TEX26: variants seen among roughly 807,000 people sequenced by gnomAD.
The protein encoded by TEX26 is testis expressed 26, also known as testis-expressed protein 26.
In TEX26, 34 loss-of-function variants were observed where a neutral mutation model predicts 35.3. The ratio of observed to expected loss-of-function variants is 0.96; its 90% CI spans 0.73 to 1.28. The LOEUF is 1.28. TEX26 is among the 50% of genes most tolerant of loss of function. The pLI, the probability that TEX26 is intolerant of heterozygous loss-of-function variation, is 0.00. For missense variants in TEX26, 371 were observed against 330.1 expected, an observed-to-expected ratio of 1.12 and a Z score of -0.96; for synonymous variants, 136 against 111.8, an observed-to-expected ratio of 1.22 and a Z score of -1.36.
chr13:30,958,746 G>A (rs1043850918), intron 4 of TEX26, among the ~76,000 whole-genome samples: 1 of 152,162 alleles, frequency 6.6e-6, no homozygotes, highest in East Asian at 1.9e-4. Flanking sequence ...CATCTCTAAA[G>A]TATTAATCCC....
intron 3 of TEX26, among the ~76,000 whole-genome samples, chr13:30,955,894 A>T (rs1290233874): frequency 6.6e-6 from 1 of 151,984 alleles, no homozygotes; most frequent in African/African-American, 2.4e-5. Context: ...TGGGCTGTGG[A>T]GGTTATTTTC....
intron 1 of TEX26, among the ~76,000 whole-genome samples, chr13:30,934,697 C>A (rs1302422548): frequency 6.6e-6 from 1 of 152,172 alleles, no homozygotes; most frequent in East Asian, 1.9e-4. Context: ...CTCCATGGAG[C>A]CCGTGGGAGC....
chr13:30,961,182 G>C (rs1172646232), intron 4 of TEX26, among the ~76,000 whole-genome samples: 1 of 152,030 alleles, frequency 6.6e-6, no homozygotes, highest in Non-Finnish European at 1.5e-5. Context: ...TTTCAATCAA[G>C]CATCTCACTC....
At chr13:30,948,168 T>G (rs1193760387) in intron 2 of TEX26, among the ~76,000 whole-genome samples, 4 of 152,202 alleles carry the variant, frequency 2.6e-5, no homozygotes, top group Non-Finnish European at 5.9e-5. Context: ...GTTCCTAGTC[T>G]TTGCTATTGT....
At chr13:30,968,012 G>T (rs545122653) in intron 5 of TEX26, among the ~76,000 whole-genome samples, 224 of 152,276 alleles carry the variant, frequency 1.5e-3, no homozygotes, top group Non-Finnish European at 2.8e-3. Context: ...GAGGACCTTT[G>T]TTTATTAAGT....
intron 2 of TEX26, among the ~76,000 whole-genome samples, chr13:30,940,444 C>T (rs1247986199): frequency 2.7e-5 from 4 of 149,798 alleles, no homozygotes; most frequent in Admixed American, 2.0e-4. Flanking sequence ...CGCCATTCTC[C>T]TGCCTCAGCC....
chr13:30,959,605 C>T (rs555546519), intron 4 of TEX26, among the ~76,000 whole-genome samples: 3 of 124,464 alleles, frequency 2.4e-5, no homozygotes, highest in African/African-American at 6.5e-5. Flanking sequence ...GTTGTTTTCT[C>T]TTATTTTTAC....
rs144803669 is a variant in TEX26 at position 30,957,866 on chromosome 13, G to A, written c.469+837G>A. On this transcript the variant is annotated intron_variant, in intron 4 of 6. Coordinates refer to ENST00000380473, the MANE Select transcript of TEX26 (RefSeq NM_152325.3). ...AAATGAATGATAGGGATGAGTGACT[G>A]ACAGATGTCAGAGATACGGGAGTAA... Among the ~76,000 whole-genome samples, 683 of 152,364 alleles carry A rather than the reference G, an allele frequency of 4.5e-3. 4 individuals are homozygous for A. The highest frequency in any genetic ancestry group is 6.9e-3 in the Non-Finnish European group (470 of 68,036).
intron 3 of TEX26, 43 bp from the exon 4 acceptor site, chr13:30,956,830 G>A (rs572046173): frequency 1.3e-6 from 2 of 1,550,156 alleles, no homozygotes; most frequent in Non-Finnish European, 1.8e-6. Flanking sequence ...CCTATTGGGT[G>A]AACCCATATG....
intron 6 of TEX26, among the ~76,000 whole-genome samples, chr13:30,974,131 A>AAAAAATATATATATATATATAT: frequency 7.1e-5 from 6 of 84,418 alleles, no homozygotes; most frequent in Non-Finnish European, 6.7e-5. Context: ...AAAAAAAAAA[A>AAAAAATATATATATATATATAT]ATATATATAT....
In TEX26 at chr13:30,966,291, C is replaced by T; in HGVS notation, c.539C>T (p.Thr180Ile). ...WKKLLPQPPD[T>I]EFRRNYQIPA... is the part of the protein sequence containing the mutation. ...AAGTTACTTCCCCAACCTCCAGACA[C>T]TGAATTCCGAAGGAATTACCAAATT... The change falls in exon 5 of 7, where the codon ACT (threonine) becomes ATT (isoleucine). Residue 180 changes from threonine to isoleucine, a missense_variant. By Grantham distance (89) the Thr-to-Ile change is moderately conservative. Transcript: ENST00000380473. 1 of 1,614,126 alleles carries T rather than the reference C, an allele frequency of 6.2e-7. No individual in the cohort carries two copies. Among genetic ancestry groups the T allele is most frequent in the Non-Finnish European group, 8.5e-7 (1 of 1,180,022 alleles).
chr13:30,950,311 CAGG>C (rs1380086952), intron 2 of TEX26, among the ~76,000 whole-genome samples: 2 of 151,950 alleles, frequency 1.3e-5, no homozygotes, highest in Non-Finnish European at 2.9e-5. Context: ...GAGGCTGAGA[CAGG>C]AGAATTGCTT....
intron 2 of TEX26, among the ~76,000 whole-genome samples, chr13:30,949,096 C>G (rs894799387): frequency 3.3e-5 from 5 of 152,114 alleles, no homozygotes; most frequent in Non-Finnish European, 7.3e-5. Flanking sequence ...TTCCATTGGT[C>G]TATATCTCTG....
At chr13:30,944,015 G>C (rs1953610381) in intron 2 of TEX26, among the ~76,000 whole-genome samples, 1 of 151,998 alleles carries the variant, frequency 6.6e-6, no homozygotes, top group Non-Finnish European at 1.5e-5. Flanking sequence ...TTTTGGAATA[G>C]TTTCAGTAGG....
intron 3 of TEX26, among the ~76,000 whole-genome samples, chr13:30,953,456 C>T (rs1000461199): frequency 2.0e-5 from 3 of 152,210 alleles, no homozygotes; most frequent in African/African-American, 7.2e-5. Flanking sequence ...GAATAATATT[C>T]TCTTCCGCGG....
chr13:30,954,277 TACACACACACAC>T (rs56003143), intron 3 of TEX26, among the ~76,000 whole-genome samples: 4,256 of 137,922 alleles, frequency 0.031, 135 homozygotes, highest in African/African-American at 0.075. Flanking sequence ...TATAGACCTA[TACACACACACAC>T]ACACACACAC....
intron 2 of TEX26, among the ~76,000 whole-genome samples, chr13:30,945,248 T>A (rs1433094327): frequency 1.3e-5 from 2 of 151,982 alleles, no homozygotes; most frequent in African/African-American, 4.8e-5. Context: ...CTGTTTTATC[T>A]GATATAAGAA....
chr13:30,940,869 T>C (rs1593539539), intron 2 of TEX26, among the ~76,000 whole-genome samples: 1 of 150,320 alleles, frequency 6.7e-6, no homozygotes, highest in African/African-American at 2.5e-5. Context: ...ACTCCGGAGG[T>C]GGAGGTTGCA....
At position 30,961,678 on chromosome 13, in the gene TEX26, G is replaced by T. The variant is rs570375468; in HGVS notation, c.470-4544G>T. On this transcript the variant is annotated intron_variant, in intron 4 of 6. Coordinates refer to ENST00000380473, the MANE Select transcript of TEX26 (RefSeq NM_152325.3). ...TGACTTTTCAACCCCTTCCAACCTGGTGTCTGCCCCCACCATTCACTGAAC... is the reference window on the plus strand; with the variant it reads ...TGACTTTTCAACCCCTTCCAACCTGTTGTCTGCCCCCACCATTCACTGAAC... 3.3e-5 allele frequency among the ~76,000 whole-genome samples: 5 copies of T among 152,258 alleles called. No homozygotes were observed. The East Asian group carries it at 9.7e-4, about 29-fold the overall frequency.
Sources: gnomAD v4.1 joint callset for allele counts (sites outside exome capture counted in the v4.1 genomes callset) on GRCh38, gnomAD v4.1.1 for gene constraint, MANE v1.5 for transcripts, NCBI Gene and HGNC (gene_info 2026-07-23, HGNC 2026-07-21) for gene names.